The following ARSG variants were observed in gnomAD, a reference collection of about 807,000 sequenced individuals.
ARSG encodes arylsulfatase G.
Under a neutral mutation model 50.5 loss-of-function variants are expected in ARSG, and 37 were observed. That is an observed-to-expected ratio of 0.73 (90% CI 0.56 to 0.96). The LOEUF (loss-of-function observed/expected upper bound fraction) is 0.96, where lower values mean the gene tolerates loss of function less well. Ranked by LOEUF, ARSG falls within the 50% of genes least tolerant of loss-of-function variation. The probability of loss-of-function intolerance (pLI) is 0.00; values close to 1 mark genes in which losing one functional copy is unlikely to be tolerated. For missense variants in ARSG, 629 were observed against 675.3 expected (o/e 0.93, Z 0.76); for synonymous variants, 225 against 254.6 (o/e 0.88, Z 1.11).
intron 11 of ARSG, among the ~76,000 whole-genome samples, chr17:68,412,741 G>A (rs1347140884): frequency 6.6e-4 from 101 of 152,148 alleles, no homozygotes; most frequent in South Asian, 1.0e-3. Flanking sequence ...CATTCTCCCC[G>A]TCACTTTCAG....
the ARSG span, among the ~76,000 whole-genome samples, chr17:68,438,533 C>T: frequency 2.6e-5 from 4 of 152,298 alleles, no homozygotes; most frequent in African/African-American, 7.2e-5. Flanking sequence ...CAAGGACTAG[C>T]GTACCAAACT....
chr17:68,316,602 CTG>C (rs1455033997), intron 2 of ARSG, among the ~76,000 whole-genome samples: 1 of 152,222 alleles, frequency 6.6e-6, no homozygotes, highest in Non-Finnish European at 1.5e-5. Flanking sequence ...CTCTGGGACA[CTG>C]TGCTAGTTAT....
At chr17:68,291,903 G>C (rs1191711455) in intron 1 of ARSG, among the ~76,000 whole-genome samples, 1 of 151,746 alleles carries the variant, frequency 6.6e-6, no homozygotes, top group Non-Finnish European at 1.5e-5. Flanking sequence ...GGCTGATCCC[G>C]CGCGGCGCTC....
chr17:68,380,199 T>TACCTTCCTTCCTCCTTCCTTCC (rs2080364181), intron 8 of ARSG, among the ~76,000 whole-genome samples: 1 of 151,860 alleles, frequency 6.6e-6, no homozygotes, highest in Admixed American at 6.6e-5. Context: ...TCCTTCCTTC[T>TACCTTCCTTCCTCCTTCCTTCC]ACCTTCCTTC....
chr17:68,322,140 A>G (rs531814013), intron 2 of ARSG, among the ~76,000 whole-genome samples: 2 of 152,356 alleles, frequency 1.3e-5, no homozygotes, highest in South Asian at 4.1e-4. Flanking sequence ...AAGTGATTAC[A>G]TGAAGAATGA....
chr17:68,392,534 C>T (rs2081043118), intron 9 of ARSG, among the ~76,000 whole-genome samples: 2 of 152,186 alleles, frequency 1.3e-5, no homozygotes, highest in South Asian at 4.1e-4. Flanking sequence ...GAGTCTTGCT[C>T]TTTCACCCAG....
intron 11 of ARSG, among the ~76,000 whole-genome samples, chr17:68,411,495 G>T (rs991886003): frequency 6.6e-4 from 101 of 152,192 alleles, no homozygotes; most frequent in African/African-American, 2.4e-3. Flanking sequence ...GAGATAGTTT[G>T]TTATAATTTC....
intron 2 of ARSG, among the ~76,000 whole-genome samples, chr17:68,314,072 A>C (rs1431567800): frequency 2.0e-5 from 3 of 152,308 alleles, no homozygotes; most frequent in Admixed American, 6.5e-5. Context: ...TGTCATGCTT[A>C]AGAGGGCAGG....
At chr17:68,308,915 C>T (rs2076724223) in intron 2 of ARSG, among the ~76,000 whole-genome samples, 2 of 152,268 alleles carry the variant, frequency 1.3e-5, no homozygotes, top group South Asian at 4.1e-4. Flanking sequence ...TGCGCCTGCA[C>T]TCCTCAGCCT....
chr17:68,327,474 T>C (rs1555772877), intron 2 of ARSG, among the ~76,000 whole-genome samples: 6 of 152,208 alleles, frequency 3.9e-5, no homozygotes, highest in African/African-American at 1.2e-4. Context: ...CCTTGGCTTG[T>C]GCTGGCATCA....
rs773686861 is a variant in ARSG, at chr17:68,370,458, T to C, written c.916T>C (p.Trp306Arg). The C allele has an allele frequency of 6.2e-7, 1 of 1,613,956 alleles. No homozygotes were observed. Among genetic ancestry groups the C allele is most frequent in the Non-Finnish European group, 8.5e-7 (1 of 1,179,996 alleles). Residue 306 changes from tryptophan to arginine, a missense_variant, in exon 8 of 12, where the codon TGG becomes CGG. Coordinates refer to ENST00000621439, the MANE Select transcript of ARSG (RefSeq NM_001267727.2). ...FLWFTGDNGP[W>R]AQKCELAGSV... ...CTGGTTTCTAGGAGACAATGGCCCG[T>C]GGGCTCAGAAGTGTGAGCTAGCGGG...
the ARSG span, among the ~76,000 whole-genome samples, chr17:68,438,506 A>T: frequency 2.0e-5 from 3 of 152,238 alleles, no homozygotes; most frequent in East Asian, 5.8e-4. Flanking sequence ...AAAGATGTGA[A>T]GACTGTGGAA....
chr17:68,380,449 G>A (rs2080378318), intron 8 of ARSG, among the ~76,000 whole-genome samples: 1 of 151,762 alleles, frequency 6.6e-6, no homozygotes, highest in Non-Finnish European at 1.5e-5. Context: ...TATTTATTTA[G>A]TAGAGACACG....
At chr17:68,286,703 G>A (rs1218589583), upstream of ARSG, among the ~76,000 whole-genome samples, 5 of 152,006 alleles carry the variant, frequency 3.3e-5, no homozygotes, top group African/African-American at 1.2e-4. Context: ...TGAGGTTTCA[G>A]TATGTTAGCT....
chr17:68,270,810 A>G (rs1555748234), intron 1 of ARSG: 2 of 1,539,552 alleles, frequency 1.3e-6, no homozygotes, highest in Non-Finnish European at 1.8e-6. Context: ...AAAGTAGACA[A>G]GTGTTTGTAT....
chr17:68,318,969 C>G (rs1457988122), intron 2 of ARSG, among the ~76,000 whole-genome samples: 1 of 152,162 alleles, frequency 6.6e-6, no homozygotes, highest in Non-Finnish European at 1.5e-5. Flanking sequence ...TGTTACCTCT[C>G]AGACCTCTTT....
At chr17:68,428,785 G>A in the ARSG span, 13 of 1,480,374 alleles carry the variant, frequency 8.8e-6, no homozygotes, top group Admixed American at 3.4e-5. Context: ...AACTCTACAC[G>A]ACCAGCTCTC....
chr17:68,401,582 G>A, intron 11 of ARSG, 132 bp downstream of exon 11: 1 of 743,498 alleles, frequency 1.3e-6, no homozygotes, highest in Non-Finnish European at 2.2e-6. Context: ...CTCTTGACAA[G>A]CGTCTCCTCC....
At chr17:68,415,435 C>T (rs2082304224) in intron 11 of ARSG, among the ~76,000 whole-genome samples, 2 of 151,978 alleles carry the variant, frequency 1.3e-5, no homozygotes, top group Non-Finnish European at 2.9e-5. Flanking sequence ...ATTTTGTGGC[C>T]TATTGTATGG....
Sources: allele counts gnomAD v4.1 joint callset (sites outside exome capture counted in the v4.1 genomes callset), GRCh38; gene constraint gnomAD v4.1.1; transcripts MANE v1.5; gene names NCBI Gene and HGNC (gene_info 2026-07-23, HGNC 2026-07-21).